Variants in AEN observed in about 807,000 individuals in gnomAD.
The protein encoded by AEN is apoptosis-enhancing nuclease.
AEN carries 21 observed loss-of-function variants against 17.7 expected under a neutral mutation model. The ratio of observed to expected loss-of-function variants is 1.19; its 90% CI spans 0.84 to 1.71. AEN has a LOEUF of 1.71. AEN is among the 40% of genes most tolerant of loss of function. The pLI, the probability that AEN is intolerant of heterozygous loss-of-function variation, is 0.00. For missense variants in AEN, 462 were observed against 435.9 expected (o/e 1.06, Z -0.53); for synonymous variants, 190 against 173.0 (o/e 1.10, Z -0.77).
upstream of AEN, among the ~76,000 whole-genome samples, chr15:88,617,711 TA>T (rs2057749681): frequency 6.6e-6 from 1 of 151,920 alleles, no homozygotes; most frequent in Non-Finnish European, 1.5e-5. Context: ...ATGACTGAGA[TA>T]AAACTCATGG....
the AEN span, among the ~76,000 whole-genome samples, chr15:88,610,278 T>C: frequency 4.0e-5 from 6 of 151,350 alleles, no homozygotes; most frequent in Non-Finnish European, 5.9e-5. Context: ...CTAACCCTCC[T>C]CTCAACAGTG....
At chr15:88,607,892 C>A in the AEN span, among the ~76,000 whole-genome samples, 5 of 152,106 alleles carry the variant, frequency 3.3e-5, no homozygotes, top group Non-Finnish European at 7.4e-5. Flanking sequence ...ATAGAAACTT[C>A]CCTTTAGACC....
Position 88,630,490 on chromosome 15 carries a change from T to G in AEN, c.*196T>G. The G allele has an allele frequency of 1.7e-6, 1 of 595,916 alleles. No individual in the cohort carries two copies. Among genetic ancestry groups the G allele is most frequent in the South Asian group, 2.0e-5 (1 of 48,838 alleles). 36.9% of individuals were successfully genotyped at this position (595,916 alleles called of 1,614,324 possible). On this transcript the variant is annotated 3_prime_UTR_variant, in exon 4 of 4. Transcript: ENST00000332810. This position sits in a 1 kb window ranked among gnomAD's most constrained non-coding sequence, Gnocchi z 5.1. ...TAGCCCTCTCTCTCTCCAGGGCTGT[T>G]GGTTCTTTCTTCTGACTCCTGTGGT...
At chr15:88,626,805 C>T in intron 2 of AEN, 56 bp downstream of exon 2, 2 of 1,543,074 alleles carry the variant, frequency 1.3e-6, no homozygotes, top group South Asian at 2.3e-5. Context: ...AAAGAGCCAC[C>T]CTGGGTTTGA....
At chr15:88,629,464 C>G in intron 3 of AEN, 38 bp downstream of exon 3, 1 of 1,598,176 alleles carries the variant, frequency 6.3e-7, no homozygotes, top group Non-Finnish European at 8.6e-7. Context: ...GAGGGAGGCC[C>G]GCCTGGCCTC....
Position 88,630,599 on chromosome 15 carries a change from C to A in AEN, c.*305C>A. On this transcript the variant is annotated 3_prime_UTR_variant, in exon 4 of 4. Coordinates refer to ENST00000332810, the MANE Select transcript of AEN (RefSeq NM_022767.4). The surrounding 1 kb of genome is among the most constrained non-coding windows in gnomAD (Gnocchi z 5.1). The stretch of plus-strand genomic sequence containing the variant: ...CCAGCAGGAGTAGGGAATGTGCCAA[C>A]AGACTGCCCAGGTTGCCGTGGCCTT... The A allele has an allele frequency of 2.7e-6, 1 of 375,266 alleles. No homozygotes were observed. The highest frequency in any genetic ancestry group is 5.0e-6 in the Non-Finnish European group (1 of 199,150). The allele number at this position is 375,266 out of a possible 1,614,324, so 23.2% of individuals were successfully genotyped here. A position where few individuals can be genotyped will look rare whatever the true frequency, so the allele number is the denominator to read the frequency against.
At chr15:88,618,324 C>T (rs2057755613), upstream of AEN, among the ~76,000 whole-genome samples, 1 of 152,116 alleles carries the variant, frequency 6.6e-6, no homozygotes, top group South Asian at 2.1e-4. Context: ...TTTTATGAAG[C>T]ACCCTATTGT....
upstream of AEN, among the ~76,000 whole-genome samples, chr15:88,618,870 A>G (rs1429284674): frequency 6.6e-6 from 1 of 152,144 alleles, no homozygotes; most frequent in East Asian, 1.9e-4. Context: ...GCAGTGGCTC[A>G]ATCATAGCTC....
At chr15:88,609,708 A>G in the AEN span, among the ~76,000 whole-genome samples, 1 of 152,190 alleles carries the variant, frequency 6.6e-6, no homozygotes, top group South Asian at 2.1e-4. Flanking sequence ...TATTGCTTGC[A>G]TCTTCTCCCA....
the AEN span, among the ~76,000 whole-genome samples, chr15:88,615,646 C>A: frequency 2.0e-5 from 3 of 152,138 alleles, no homozygotes; most frequent in East Asian, 3.9e-4. Flanking sequence ...TTAATCCTAC[C>A]CCTTGACTTT....
At chr15:88,606,799 G>A in the AEN span, among the ~76,000 whole-genome samples, 1 of 152,210 alleles carries the variant, frequency 6.6e-6, no homozygotes, top group Non-Finnish European at 1.5e-5. Flanking sequence ...AAGGCGCATA[G>A]CAGAGCAACT....
At position 88,622,437 on chromosome 15, in the gene AEN, T is replaced by C. The variant is rs1275925783; in HGVS notation, c.-65+1055T>C. Among the ~76,000 whole-genome samples, 9 of 152,134 alleles carry C rather than the reference T, an allele frequency of 5.9e-5. 1 individual carries two copies. Among genetic ancestry groups the C allele is most frequent in the Admixed American group, 5.9e-4 (9 of 15,280 alleles). On this transcript the variant is annotated intron_variant, in intron 1 of 3. Coordinates refer to ENST00000332810, the MANE Select transcript of AEN (RefSeq NM_022767.4). The stretch of plus-strand genomic sequence containing the variant: ...AAACCCCACAGAGGTAGTGAAGGAA[T>C]TGGCTTTTAATCAGCTGGAAGCATC...
chr15:88,613,649 T>G, the AEN span, among the ~76,000 whole-genome samples: 5 of 148,122 alleles, frequency 3.4e-5, no homozygotes, highest in African/African-American at 1.2e-4. Flanking sequence ...TGTTAAGTGG[T>G]GGGGGGAGTC....
At position 88,626,646 on chromosome 15, in the gene AEN, A is replaced by T. The variant is rs778196739; in HGVS notation, c.437A>T (p.Tyr146Phe). The T allele has an allele frequency of 6.2e-7, 1 of 1,614,008 alleles. No individual in the cohort carries two copies. The highest frequency in any genetic ancestry group is 8.5e-7 in the Non-Finnish European group (1 of 1,180,004). The part of the protein sequence containing the change: ...SYHGNVLYDK[Y>F]IRPEMPIADY... ...CATGGCAATGTCCTCTATGACAAGT[A>T]CATCAGGCCTGAGATGCCCATCGCT... is the stretch of plus-strand genomic sequence containing the variant. Residue 146 changes from tyrosine to phenylalanine, a missense_variant, in exon 2 of 4, where the codon TAC becomes TTC. Coordinates refer to ENST00000332810, the MANE Select transcript of AEN (RefSeq NM_022767.4).
the AEN span, among the ~76,000 whole-genome samples, chr15:88,613,952 A>G: frequency 2.8e-3 from 423 of 152,272 alleles, 5 homozygotes; most frequent in East Asian, 0.02. Flanking sequence ...ATCCTGAAAT[A>G]GGAAAAAATG....
chr15:88,629,124 A>G (rs530661075), intron 2 of AEN, 102 bp from the exon 3 acceptor site: 561 of 1,184,236 alleles, frequency 4.7e-4, no homozygotes, highest in Non-Finnish European at 6.7e-4. Context: ...GCCTCCCCCC[A>G]CAGGGATCCA....
chr15:88,608,683 C>G, the AEN span, among the ~76,000 whole-genome samples: 2 of 152,250 alleles, frequency 1.3e-5, no homozygotes, highest in Non-Finnish European at 2.9e-5. Flanking sequence ...GTCCTCTTCA[C>G]TTTGATTTTT....
the AEN span, among the ~76,000 whole-genome samples, chr15:88,612,570 CTTTT>C: frequency 4.6e-4 from 59 of 129,664 alleles, no homozygotes; most frequent in Non-Finnish European, 6.8e-4. Context: ...ATTTCCCAGC[CTTTT>C]ATTTATTTAT....
At chr15:88,629,176 A>C in intron 2 of AEN, 50 bp from the exon 3 acceptor site, 2 of 1,593,040 alleles carry the variant, frequency 1.3e-6, no homozygotes, top group Non-Finnish European at 1.7e-6. Context: ...GTCTCCTGCC[A>C]ACCTGATGGG....
Sources: allele counts gnomAD v4.1 joint callset (sites outside exome capture counted in the v4.1 genomes callset), GRCh38; gene constraint gnomAD v4.1.1; non-coding constraint Gnocchi (gnomAD v3.1); transcripts MANE v1.5; gene names NCBI Gene and HGNC (gene_info 2026-07-23, HGNC 2026-07-21).